STK3: variants seen among roughly 807,000 people sequenced by gnomAD.
STK3 encodes serine/threonine kinase 3, also known as serine/threonine-protein kinase 3.
STK3 carries 41 observed loss-of-function variants against 58.0 expected under a neutral mutation model. The ratio of observed to expected loss-of-function variants is 0.71; its 90% CI spans 0.55 to 0.92. The LOEUF is 0.92. STK3 is among the 40% of genes least tolerant of loss of function. STK3 has a pLI of 0.00. For missense variants in STK3, 479 were observed against 602.7 expected (o/e 0.79, Z 2.15); for synonymous variants, 170 against 191.0 (o/e 0.89, Z 0.91).
intron 1 of STK3, among the ~76,000 whole-genome samples, chr8:98,801,273 T>A (rs1833529137): frequency 6.6e-6 from 1 of 152,064 alleles, no homozygotes. Flanking sequence ...CTCTATAAAA[T>A]GGACCAATCA....
intron 10 of STK3, among the ~76,000 whole-genome samples, chr8:98,458,116 C>T (rs375915519): frequency 2.3e-4 from 9 of 38,716 alleles, no homozygotes; most frequent in East Asian, 1.5e-3. Context: ...CACACATATA[C>T]ACACACACAC....
At chr8:98,878,630 A>G (rs2131891959) in intron 3 of STK3, among the ~76,000 whole-genome samples, 1 of 152,326 alleles carries the variant, frequency 6.6e-6, no homozygotes, top group East Asian at 1.9e-4. Context: ...AGAACACAGC[A>G]GCAGGGGCCA....
chr8:98,539,484 C>T (rs1388957077), intron 9 of STK3, among the ~76,000 whole-genome samples: 2 of 152,000 alleles, frequency 1.3e-5, no homozygotes, highest in African/African-American at 4.8e-5. Context: ...TATCTAGTAT[C>T]GTTTCCAGAG....
intron 3 of STK3, among the ~76,000 whole-genome samples, chr8:98,425,913 A>G (rs775780631): frequency 2.0e-5 from 3 of 152,180 alleles, no homozygotes; most frequent in African/African-American, 7.2e-5. Flanking sequence ...TGCTAAGCTC[A>G]CACAACCACG....
At chr8:98,937,047 G>C (rs555576642) in intron 1 of STK3, among the ~76,000 whole-genome samples, 1 of 152,342 alleles carries the variant, frequency 6.6e-6, no homozygotes, top group South Asian at 2.1e-4. Flanking sequence ...TGGGCTCAGA[G>C]GCAAAGATAA....
At chr8:98,647,436 A>C (rs1374637341) in intron 6 of STK3, among the ~76,000 whole-genome samples, 4 of 152,300 alleles carry the variant, frequency 2.6e-5, no homozygotes, top group Admixed American at 1.3e-4. Flanking sequence ...GTAATCTCTG[A>C]TATATCCCAA....
intron 1 of STK3, among the ~76,000 whole-genome samples, chr8:98,803,596 AAAAAAAAAAAAAG>A (rs1457534489): frequency 2.7e-4 from 37 of 138,802 alleles, no homozygotes; most frequent in African/African-American, 7.1e-4. Context: ...TCTGTTTCAA[AAAAAAAAAAAAAG>A]AAAAAAAAAG....
intron 6 of STK3, chr8:98,597,936 C>G (rs1439017163): frequency 1.0e-6 from 1 of 984,864 alleles, no homozygotes; most frequent in Non-Finnish European, 1.2e-6. Flanking sequence ...TGAGGCAGAA[C>G]CTAATAAGGC....
At chr8:98,565,265 T>A (rs907750975) in intron 8 of STK3, among the ~76,000 whole-genome samples, 1 of 152,152 alleles carries the variant, frequency 6.6e-6, no homozygotes, top group African/African-American at 2.4e-5. Flanking sequence ...AAATCAAGCA[T>A]TGTTTTTTGT....
chr8:98,652,818 C>A (rs547020817), intron 6 of STK3, among the ~76,000 whole-genome samples: 1 of 151,020 alleles, frequency 6.6e-6, no homozygotes, highest in Admixed American at 6.6e-5. Context: ...ACAGGAGCAC[C>A]CAGATTCATA....
intron 6 of STK3, among the ~76,000 whole-genome samples, chr8:98,695,271 A>G (rs1231715358): frequency 2.0e-5 from 3 of 152,176 alleles, no homozygotes; most frequent in African/African-American, 4.8e-5. Context: ...AGTAGATTGC[A>G]AAAATTTCCT....
chr8:98,681,295 C>G (rs1162116637), intron 6 of STK3, among the ~76,000 whole-genome samples: 1 of 151,986 alleles, frequency 6.6e-6, no homozygotes, highest in Non-Finnish European at 1.5e-5. Context: ...CTGCACCCGG[C>G]CTCTAACCTC....
intron 1 of STK3, chr8:98,437,655 G>C (rs919142270): frequency 6.6e-6 from 1 of 152,176 alleles, no homozygotes; most frequent in Admixed American, 6.5e-5. Context: ...TGTTTCCTAA[G>C]AGGAGAACTG....
chr8:98,565,929 T>C (rs983398481), intron 8 of STK3, among the ~76,000 whole-genome samples: 7 of 152,156 alleles, frequency 4.6e-5, no homozygotes, highest in Non-Finnish European at 8.8e-5. Flanking sequence ...TTACATCACA[T>C]ACTCAGAAAT....
intron 10 of STK3, among the ~76,000 whole-genome samples, chr8:98,460,254 C>A (rs1338972489): frequency 6.6e-6 from 1 of 152,148 alleles, no homozygotes; most frequent in African/African-American, 2.4e-5. Context: ...TAATGGCTAC[C>A]CTGCTGGGTT....
chr8:98,717,053 A>T (rs1032526345), intron 4 of STK3, among the ~76,000 whole-genome samples: 3 of 152,126 alleles, frequency 2.0e-5, no homozygotes, highest in African/African-American at 7.2e-5. Context: ...ATAAGACCTA[A>T]AACTATACCA....
chr8:98,369,898 T>G (rs187106262), downstream of STK3, among the ~76,000 whole-genome samples: 3 of 152,002 alleles, frequency 2.0e-5, no homozygotes, highest in Non-Finnish European at 4.4e-5. Flanking sequence ...TGGGCTTTCA[T>G]GGTGCCTATG....
At chr8:98,423,070 A>G (rs1818191164) in intron 3 of STK3, among the ~76,000 whole-genome samples, 1 of 152,172 alleles carries the variant, frequency 6.6e-6, no homozygotes, top group Non-Finnish European at 1.5e-5. Flanking sequence ...CTCCAAGCAC[A>G]GTGACTCCCT....
intron 1 of STK3, among the ~76,000 whole-genome samples, chr8:98,790,036 A>C (rs1587627937): frequency 6.6e-6 from 1 of 151,200 alleles, no homozygotes; most frequent in African/African-American, 2.4e-5. Flanking sequence ...CTCAAAAAAA[A>C]AAAAAAAAAA....
Sources: gnomAD v4.1 joint callset for allele counts (sites outside exome capture counted in the v4.1 genomes callset) on GRCh38, gnomAD v4.1.1 for gene constraint, MANE v1.5 for transcripts, NCBI Gene and HGNC (gene_info 2026-07-23, HGNC 2026-07-21) for gene names.